The following CTNND2 variants were observed in gnomAD, a reference collection of about 807,000 sequenced individuals.
CTNND2 encodes catenin delta 2.
A neutral mutation model predicts 144.4 loss-of-function variants in CTNND2; 22 were observed. The observed-to-expected ratio is 0.15, with a 90% CI of 0.11 to 0.22. CTNND2 has a LOEUF of 0.22. Among genes scored for constraint, CTNND2 ranks in the 10% least tolerant of loss-of-function variants. The pLI, the probability that CTNND2 is intolerant of heterozygous loss-of-function variation, is 1.00. For missense variants in CTNND2, 1,353 were observed against 1,618.8 expected (o/e 0.84, Z 2.82); for synonymous variants, 751 against 695.6 (o/e 1.08, Z -1.25).
chr5:11,344,098 G>A (rs1278989539), intron 9 of CTNND2, among the ~76,000 whole-genome samples: 2 of 152,268 alleles, frequency 1.3e-5, no homozygotes, highest in South Asian at 2.1e-4. Flanking sequence ...AATTTGGCAC[G>A]TCTCTCCATT....
At chr5:11,402,806 T>C (rs1283433255) in intron 5 of CTNND2, among the ~76,000 whole-genome samples, 1 of 152,228 alleles carries the variant, frequency 6.6e-6, no homozygotes, top group Non-Finnish European at 1.5e-5. Context: ...CTCCAGAATA[T>C]CTATTTCGTC....
intron 16 of CTNND2, among the ~76,000 whole-genome samples, chr5:11,076,109 GCATA>G (rs1448853471): frequency 2.6e-5 from 4 of 152,136 alleles, no homozygotes; most frequent in Non-Finnish European, 5.9e-5. Context: ...GAAGACATAC[GCATA>G]CACAAAAAAC....
intron 7 of CTNND2, among the ~76,000 whole-genome samples, chr5:11,382,306 T>C (rs1758566977): frequency 2.0e-5 from 3 of 152,094 alleles, no homozygotes; most frequent in South Asian, 4.1e-4. Context: ...TTAAAAGTAA[T>C]TATTGAAGGT....
Position 11,022,211 on chromosome 5 carries a change from T to G in CTNND2, c.2999+558A>C, listed in dbSNP as rs10069934. 2.1e-3 allele frequency among the ~76,000 whole-genome samples: 321 copies of G among 152,312 alleles called. 2 individuals carry two copies. The highest frequency in any genetic ancestry group is 7.4e-3 in the African/African-American group (309 of 41,564). On this transcript the variant is annotated intron_variant, in intron 17 of 21. Transcript: ENST00000304623. ...TTATCAACTCTTCCAGCTAGCATAT[T>G]GTGACAGCCTCTCCCTTAGGTTTAG...
At chr5:11,349,541 C>A (rs1294937872) in intron 8 of CTNND2, among the ~76,000 whole-genome samples, 1 of 152,142 alleles carries the variant, frequency 6.6e-6, no homozygotes, top group Non-Finnish European at 1.5e-5. Context: ...GCTACCAGGG[C>A]AGGTTTAAAA....
chr5:11,813,704 G>A (rs1398417313), intron 1 of CTNND2, among the ~76,000 whole-genome samples: 3 of 152,052 alleles, frequency 2.0e-5, no homozygotes, highest in Non-Finnish European at 4.4e-5. Context: ...TGTAGAGACA[G>A]GGTCTCGCTA....
intron 2 of CTNND2, among the ~76,000 whole-genome samples, chr5:11,708,316 G>A (rs1414971771): frequency 1.3e-5 from 2 of 152,018 alleles, no homozygotes; most frequent in Non-Finnish European, 2.9e-5. Flanking sequence ...AATATATAAT[G>A]TGCGTCAGTT....
chr5:11,495,324 T>A (rs1769828166), intron 3 of CTNND2, among the ~76,000 whole-genome samples: 1 of 152,246 alleles, frequency 6.6e-6, no homozygotes, highest in South Asian at 2.1e-4. Context: ...AACCTCATCT[T>A]GAGGAATATT....
At chr5:11,100,464 C>T (rs571822977) in intron 14 of CTNND2, among the ~76,000 whole-genome samples, 21 of 152,294 alleles carry the variant, frequency 1.4e-4, no homozygotes, top group Admixed American at 3.9e-4. Context: ...CTAGCCCCGT[C>T]ACATTGCTCC....
At chr5:11,601,374 G>A (rs1986280) in intron 2 of CTNND2, among the ~76,000 whole-genome samples, 66,229 of 151,680 alleles carry the variant, frequency 0.44, 14,937 homozygotes, top group Middle Eastern at 0.66. Flanking sequence ...GTATTGCTCT[G>A]TAAGAATTTT....
intron 3 of CTNND2, among the ~76,000 whole-genome samples, chr5:11,490,046 G>A (rs1581321647): frequency 2.6e-5 from 4 of 152,254 alleles, no homozygotes; most frequent in Admixed American, 2.6e-4. Flanking sequence ...ATGCTGATAG[G>A]TGGTGCAGGC....
In CTNND2 at chr5:10,981,519, T is replaced by C. The variant is rs13161964; in HGVS notation, c.3417+254A>G. ...TTTTGCACCATAGCAGAATACTTGC[T>C]TTCTGCACCAGATCAAGCATGAGGT... On this transcript the variant is annotated intron_variant, in intron 21 of 21. Transcript: ENST00000304623. Among the ~76,000 whole-genome samples the C allele has an allele frequency of 0.017, 2,514 of 152,212 alleles. 43 individuals are homozygous for C. The highest frequency in any genetic ancestry group is 0.02 in the Non-Finnish European group (1,341 of 68,030).
intron 9 of CTNND2, among the ~76,000 whole-genome samples, chr5:11,333,736 G>C (rs1328031707): frequency 6.6e-6 from 1 of 152,178 alleles, no homozygotes; most frequent in Non-Finnish European, 1.5e-5. Context: ...AGGCTCTACT[G>C]ACCCTGGCGG....
intron 9 of CTNND2, among the ~76,000 whole-genome samples, chr5:11,245,468 G>A (rs565477380): frequency 3.8e-4 from 58 of 152,250 alleles, no homozygotes; most frequent in African/African-American, 1.3e-3. Context: ...GCAGAAGAGG[G>A]CAATGTAACA....
At chr5:11,569,863 C>A (rs1777422336) in intron 2 of CTNND2, among the ~76,000 whole-genome samples, 1 of 152,076 alleles carries the variant, frequency 6.6e-6, no homozygotes, top group Non-Finnish European at 1.5e-5. Context: ...CTAGATGAAC[C>A]AGGAAGTGGG....
At chr5:11,773,220 T>C (rs1190203727) in intron 1 of CTNND2, among the ~76,000 whole-genome samples, 1 of 152,194 alleles carries the variant, frequency 6.6e-6, no homozygotes, top group East Asian at 1.9e-4. Flanking sequence ...TATGAATCCA[T>C]ACAAATGAAA....
At chr5:11,860,721 A>G (rs1430346382) in intron 1 of CTNND2, among the ~76,000 whole-genome samples, 2 of 152,218 alleles carry the variant, frequency 1.3e-5, no homozygotes, top group Non-Finnish European at 2.9e-5. Context: ...CTTTTATTCA[A>G]GCAGTGACAT....
intron 2 of CTNND2, among the ~76,000 whole-genome samples, chr5:11,567,451 C>A (rs969830735): frequency 6.6e-6 from 1 of 152,146 alleles, no homozygotes; most frequent in Non-Finnish European, 1.5e-5. Flanking sequence ...CCATTATTTC[C>A]TTTCCTTCAA....
intron 15 of CTNND2, among the ~76,000 whole-genome samples, chr5:11,096,396 C>A (rs914453309): frequency 1.1e-4 from 16 of 152,058 alleles, no homozygotes; most frequent in African/African-American, 3.9e-4. Context: ...TTCCCACTTA[C>A]GAGTGAGAAC....
Sources: gnomAD v4.1 joint callset for allele counts (sites outside exome capture counted in the v4.1 genomes callset) on GRCh38, gnomAD v4.1.1 for gene constraint, MANE v1.5 for transcripts, NCBI Gene and HGNC (gene_info 2026-07-23, HGNC 2026-07-21) for gene names.